CDH22: variants seen among roughly 807,000 people sequenced by gnomAD.
The protein encoded by CDH22 is cadherin 22.
CDH22 carries 30 observed loss-of-function variants against 58.4 expected under a neutral mutation model. The observed-to-expected ratio is 0.51, with a 90% CI of 0.38 to 0.70. The LOEUF (loss-of-function observed/expected upper bound fraction) is 0.70, where lower values mean the gene tolerates loss of function less well. CDH22 is among the 30% of genes least tolerant of loss of function. The probability of loss-of-function intolerance (pLI) is 0.00; values close to 1 mark genes in which losing one functional copy is unlikely to be tolerated. For missense variants in CDH22, 1,014 were observed against 1,233.9 expected (o/e 0.82, Z 2.67); for synonymous variants, 513 against 558.2 (o/e 0.92, Z 1.14).
Position 46,174,317 on chromosome 20 carries a change from C to T in CDH22, c.*189G>A, listed in dbSNP as rs2085717953. On this transcript the variant is annotated 3_prime_UTR_variant, in exon 12 of 12. Transcript: ENST00000537909. This position sits in a 1 kb window ranked among gnomAD's most constrained non-coding sequence, Gnocchi z 4.4. The stretch of plus-strand genomic sequence containing the variant: ...TTGGTCAGAATCCCGCACCTCTGGG[C>T]TCCAAAGCTGCACCCCTAGAGGAGG... 7 of 522,964 alleles carry T rather than the reference C, an allele frequency of 1.3e-5. No individual in the cohort carries two copies. The highest frequency in any genetic ancestry group is 1.3e-4 in the South Asian group (5 of 37,930). The allele number at this position is 522,964 out of a possible 1,614,324, so 32.4% of individuals were successfully genotyped here.
intron 4 of CDH22, among the ~76,000 whole-genome samples, chr20:46,227,263 C>T (rs1484099379): frequency 1.3e-5 from 2 of 152,224 alleles, no homozygotes; most frequent in Non-Finnish European, 2.9e-5. Context: ...TTCGGTTTCT[C>T]TTCCAGTTTT....
Position 46,199,463 on chromosome 20 carries a change from C to G in CDH22, c.1383G>C (p.Thr461=), listed in dbSNP as rs759042010. The part of the protein sequence containing the change: ...IVTGKGLDRE[T]AGWHNITVLA... ...GCACTGTGATGTTGTGCCAGCCGGC[C>G]GTCTCGCGGTCCAGCCCCTTGCCAG... Residue 461 remains threonine (T), a synonymous_variant, in exon 8 of 12, where the codon ACG becomes ACC. Coordinates refer to ENST00000537909, the MANE Select transcript of CDH22 (RefSeq NM_021248.3). 13 of 1,613,600 alleles carry G rather than the reference C, an allele frequency of 8.1e-6. No individual in the cohort carries two copies. Among genetic ancestry groups the G allele is most frequent in the Non-Finnish European group, 1.1e-5 (13 of 1,180,026 alleles).
intron 7 of CDH22, among the ~76,000 whole-genome samples, chr20:46,201,477 C>A (rs1398493512): frequency 6.6e-6 from 1 of 152,186 alleles, no homozygotes; most frequent in Non-Finnish European, 1.5e-5. Flanking sequence ...GCAGTCAGAG[C>A]TGGGTTTGAA....
intron 1 of CDH22, among the ~76,000 whole-genome samples, chr20:46,288,440 G>A (rs955184817): frequency 3.9e-5 from 6 of 152,028 alleles, no homozygotes; most frequent in African/African-American, 1.2e-4. Context: ...ATGTAACCCC[G>A]CAGCTTGAAA....
At chr20:46,182,455 TGGCTCC>T (rs1483766364) in intron 10 of CDH22, among the ~76,000 whole-genome samples, 1 of 152,226 alleles carries the variant, frequency 6.6e-6, no homozygotes, top group Non-Finnish European at 1.5e-5. Flanking sequence ...AATGAGCGGC[TGGCTCC>T]GGCTCAGCTT....
At chr20:46,203,181 C>T (rs1484778910) in intron 7 of CDH22, among the ~76,000 whole-genome samples, 1 of 152,046 alleles carries the variant, frequency 6.6e-6, no homozygotes, top group African/African-American at 2.4e-5. Flanking sequence ...AGCTAAAGAC[C>T]TGGGGCTGGG....
rs529596658 is a variant in CDH22, at chr20:46,186,523, A to C, written c.1663+65T>G. On this transcript the variant is annotated intron_variant, in intron 10 of 11. Transcript: ENST00000537909. ...TGGGCGCCTCCGTCCCTCTGTCTATAATATGGGAACAGGGCAGGGAGACTG... is the reference window on the plus strand; with the variant it reads ...TGGGCGCCTCCGTCCCTCTGTCTATCATATGGGAACAGGGCAGGGAGACTG... The C allele has an allele frequency of 4.2e-4, 503 of 1,188,050 alleles. 5 individuals are homozygous for C. In the South Asian group the frequency reaches 6.2e-3, roughly 15 times the overall value. 73.6% of individuals were successfully genotyped at this position (1,188,050 alleles called of 1,614,324 possible). A position where few individuals can be genotyped will look rare whatever the true frequency, so the allele number is the denominator to read the frequency against.
chr20:46,184,105 T>C lies in CDH22; in HGVS notation c.1663+2483A>G, dbSNP rs76960056. Among the ~76,000 whole-genome samples, 181 of 120,702 alleles carry C rather than the reference T, an allele frequency of 1.5e-3. 4 individuals carry two copies. In the South Asian group the frequency reaches 0.03, roughly 20 times the overall value. 79.2% of individuals were successfully genotyped at this position (120,702 alleles called of 152,430 possible). A position where few individuals can be genotyped will look rare whatever the true frequency, so the allele number is the denominator to read the frequency against. ...CTCTTACCCTGCTTTCTCTCTCTCT[T>C]TTTTTTTTTTTAGATGGAGTTTCGC... On this transcript the variant is annotated intron_variant, in intron 10 of 11. Transcript: ENST00000537909.
intron 4 of CDH22, among the ~76,000 whole-genome samples, chr20:46,222,996 C>T (rs1208657430): frequency 6.6e-6 from 1 of 152,250 alleles, no homozygotes; most frequent in Non-Finnish European, 1.5e-5. Context: ...CTGGGAATGG[C>T]ACCAGGGCAG....
chr20:46,223,649 CT>C lies in CDH22; in HGVS notation c.670+3858del, dbSNP rs1568664037. On this transcript the variant is annotated intron_variant, in intron 4 of 11. Coordinates refer to ENST00000537909, the MANE Select transcript of CDH22 (RefSeq NM_021248.3). ...TTCTTTTTTCTTTCTTTCTTTCTTT[CT>C]CTTTCTTTTTCTTTCCTTCTTTCTT... Among the ~76,000 whole-genome samples, 101 of 148,480 alleles carry C rather than the reference CT, an allele frequency of 6.8e-4. 1 individual carries two copies. Among genetic ancestry groups the C allele is most frequent in the African/African-American group, 1.8e-3 (71 of 40,024 alleles).
In CDH22 at chr20:46,210,256, G is replaced by A; in HGVS notation, c.1286+51C>T. The A allele has an allele frequency of 7.3e-7, 1 of 1,363,522 alleles. No homozygotes were observed. The highest frequency in any genetic ancestry group is 9.4e-7 in the Non-Finnish European group (1 of 1,062,900). The allele number at this position is 1,363,522 out of a possible 1,614,324, so 84.5% of individuals were successfully genotyped here. A position where few individuals can be genotyped will look rare whatever the true frequency, so the allele number is the denominator to read the frequency against. ...CTCTGCCCGCAGTCTGTCCGCGGGGGTGATGGCGGGATAGCAGGCAGCAGG... is the reference window on the plus strand; with the variant it reads ...CTCTGCCCGCAGTCTGTCCGCGGGGATGATGGCGGGATAGCAGGCAGCAGG... On this transcript the variant is annotated intron_variant, in intron 7 of 11. Coordinates refer to ENST00000537909, the MANE Select transcript of CDH22 (RefSeq NM_021248.3). The surrounding 1 kb of genome is among the most constrained non-coding windows in gnomAD (Gnocchi z 4.5).
intron 8 of CDH22, among the ~76,000 whole-genome samples, chr20:46,190,524 C>T (rs1458734168): frequency 6.6e-6 from 1 of 152,282 alleles, no homozygotes; most frequent in Admixed American, 6.5e-5. Flanking sequence ...GGGTGCCCCA[C>T]AGCCCTCCCC....
rs926971772 is a variant in CDH22, at chr20:46,179,814, T to A, written c.1664-1617A>T. ...CCATAGAAATGCTCAATAATGCTGA[T>A]TAATATTTTTTCAGACCCCGCCCCC... On this transcript the variant is annotated intron_variant, in intron 10 of 11. Transcript: ENST00000537909. Among the ~76,000 whole-genome samples, 7 of 152,234 alleles carry A rather than the reference T, an allele frequency of 4.6e-5. No individual in the cohort carries two copies. The South Asian group carries it at 1.5e-3, about 32-fold the overall frequency.
At chr20:46,274,418 T>C (rs2086507519) in intron 1 of CDH22, among the ~76,000 whole-genome samples, 1 of 152,250 alleles carries the variant, frequency 6.6e-6, no homozygotes, top group Non-Finnish European at 1.5e-5. Flanking sequence ...AGTGGATTTA[T>C]TTAATTAATG....
intron 1 of CDH22, among the ~76,000 whole-genome samples, chr20:46,297,363 G>A (rs1364318576): frequency 6.6e-6 from 1 of 152,026 alleles, no homozygotes; most frequent in Non-Finnish European, 1.5e-5. Context: ...GTGACCAGGA[G>A]CTAAGTAACA....
chr20:46,229,323 G>A (rs1433170157), intron 3 of CDH22, among the ~76,000 whole-genome samples: 2 of 146,132 alleles, frequency 1.4e-5, no homozygotes, highest in Non-Finnish European at 3.0e-5. Flanking sequence ...GAGGAATCAA[G>A]TCAGACAGGG....
chr20:46,210,372 C>A lies in CDH22; in HGVS notation c.1221G>T (p.Ala407=). 1 of 1,480,760 alleles carries A rather than the reference C, an allele frequency of 6.8e-7. No individual in the cohort carries two copies. Among genetic ancestry groups the A allele is most frequent in the Non-Finnish European group, 8.9e-7 (1 of 1,118,980 alleles). 91.7% of individuals were successfully genotyped at this position (1,480,760 alleles called of 1,614,324 possible). The change falls in exon 7 of 12, where the codon GCG becomes GCT. Residue 407 remains alanine, a synonymous_variant. Coordinates refer to ENST00000537909, the MANE Select transcript of CDH22 (RefSeq NM_021248.3). This position sits in a 1 kb window ranked among gnomAD's most constrained non-coding sequence, Gnocchi z 4.5. ...PSGLLEVQED[A]QVGSLVGVVT... is the part of the protein sequence containing the mutation. ...CCACGCCGACCAGGGAGCCCACCTG[C>A]GCGTCCTCCTGCACCTCCAGGAGGC...
intron 4 of CDH22, among the ~76,000 whole-genome samples, chr20:46,219,137 G>A (rs2086106942): frequency 6.6e-6 from 1 of 152,284 alleles, no homozygotes; most frequent in Non-Finnish European, 1.5e-5. Context: ...CTAAGGGGTG[G>A]TCCTGCTTTC....
chr20:46,233,862 G>A (rs8125325), intron 3 of CDH22, among the ~76,000 whole-genome samples: 9,331 of 152,298 alleles, frequency 0.061, 404 homozygotes, highest in Middle Eastern at 0.14. Context: ...GATATTGCAC[G>A]TATAGATCTT....
Sources: gnomAD v4.1 joint callset for allele counts (sites outside exome capture counted in the v4.1 genomes callset) on GRCh38, gnomAD v4.1.1 for gene constraint, Gnocchi (gnomAD v3.1) non-coding constraint, MANE v1.5 for transcripts, NCBI Gene and HGNC (gene_info 2026-07-23, HGNC 2026-07-21) for gene names.